The following PCDH9 variants were observed in gnomAD, a reference collection of about 807,000 sequenced individuals.
PCDH9 encodes the protein protocadherin-9.
A neutral mutation model predicts 70.6 loss-of-function variants in PCDH9; 24 were observed. The ratio of observed to expected loss-of-function variants is 0.34; its 90% confidence interval spans 0.25 to 0.48. The LOEUF (loss-of-function observed/expected upper bound fraction) is 0.48, where lower values mean the gene tolerates loss of function less well. Ranked by LOEUF, PCDH9 falls within the 20% of genes least tolerant of loss-of-function variation. PCDH9 has a pLI of 0.99. For missense variants in PCDH9, 1,281 were observed against 1,503.6 expected, an observed-to-expected ratio of 0.85 and a Z score of 2.45; for synonymous variants, 562 against 558.5, an observed-to-expected ratio of 1.01 and a Z score of -0.09.
chr13:66,917,692 TA>T (rs938221277), intron 2 of PCDH9, among the ~76,000 whole-genome samples: 18 of 151,570 alleles, frequency 1.2e-4, no homozygotes, highest in African/African-American at 4.1e-4. Context: ...TTAAATCTAC[TA>T]AAAGATAAAG....
intron 3 of PCDH9, among the ~76,000 whole-genome samples, chr13:66,787,523 G>C: frequency 6.6e-6 from 1 of 151,978 alleles, no homozygotes; most frequent in African/African-American, 2.4e-5. Flanking sequence ...GGTTGAGGCA[G>C]GAGAATTGCT....
intron 3 of PCDH9, among the ~76,000 whole-genome samples, chr13:66,723,320 T>C (rs554280473): frequency 1.4e-4 from 21 of 151,850 alleles, no homozygotes; most frequent in Non-Finnish European, 2.9e-4. Context: ...TTTCCATATA[T>C]AACATCTTAT....
intron 3 of PCDH9, among the ~76,000 whole-genome samples, chr13:66,805,696 A>G (rs1422592901): frequency 1.3e-5 from 2 of 152,304 alleles, no homozygotes; most frequent in African/African-American, 4.8e-5. Flanking sequence ...TATAGAACAT[A>G]GAAATATTCC....
intron 2 of PCDH9, among the ~76,000 whole-genome samples, chr13:66,990,123 T>C (rs1031452341): frequency 6.6e-6 from 1 of 151,904 alleles, no homozygotes; most frequent in Non-Finnish European, 1.5e-5. Flanking sequence ...TTTAAAGCCT[T>C]AGCAAATTTT....
At chr13:66,653,612 C>CA (rs750182440) in intron 3 of PCDH9, among the ~76,000 whole-genome samples, 7 of 151,974 alleles carry the variant, frequency 4.6e-5, no homozygotes, top group Admixed American at 1.3e-4. Flanking sequence ...GGAGGTCCCT[C>CA]AAAAAAGTAA....
intron 2 of PCDH9, among the ~76,000 whole-genome samples, chr13:67,108,588 C>T (rs961459095): frequency 6.6e-6 from 1 of 152,154 alleles, no homozygotes; most frequent in Non-Finnish European, 1.5e-5. Flanking sequence ...ATTAGTATTG[C>T]ATGGCATATA....
At position 66,425,124 on chromosome 13, in the gene PCDH9, T is replaced by A. The variant is rs147882887; in HGVS notation, c.3341-120096A>T. Among the ~76,000 whole-genome samples, 99 of 152,010 alleles carry A rather than the reference T, an allele frequency of 6.5e-4. 1 individual carries two copies. Among genetic ancestry groups the A allele is most frequent in the African/African-American group, 1.8e-3 (76 of 41,534 alleles). ...ATGTTCATCATTTTATGACACTTTC[T>A]GTTGCACACAAAAGAATGAAGAGTA... On this transcript the variant is annotated intron_variant, in intron 4 of 4. Coordinates refer to ENST00000377865, the MANE Select transcript of PCDH9 (RefSeq NM_203487.3).
At chr13:66,399,627 C>A (rs1022190860) in intron 4 of PCDH9, among the ~76,000 whole-genome samples, 26 of 151,264 alleles carry the variant, frequency 1.7e-4, no homozygotes, top group Non-Finnish European at 3.7e-4. Context: ...TTAATAAGAT[C>A]ATTTAAATTT....
chr13:67,140,256 T>C (rs1390338246), intron 2 of PCDH9, among the ~76,000 whole-genome samples: 1 of 152,176 alleles, frequency 6.6e-6, no homozygotes, highest in Non-Finnish European at 1.5e-5. Context: ...TTAATTATGA[T>C]GGCTACAGGT....
chr13:66,461,120 T>G (rs941024977), intron 4 of PCDH9, among the ~76,000 whole-genome samples: 1 of 151,920 alleles, frequency 6.6e-6, no homozygotes, highest in East Asian at 1.9e-4. Flanking sequence ...AATGCTAAAA[T>G]AAATTAATCG....
chr13:66,380,752 C>A (rs1034319069), intron 4 of PCDH9, among the ~76,000 whole-genome samples: 1 of 151,982 alleles, frequency 6.6e-6, no homozygotes, highest in Non-Finnish European at 1.5e-5. Flanking sequence ...ACCGTGTTAG[C>A]CAGGATGGTC....
intron 2 of PCDH9, among the ~76,000 whole-genome samples, chr13:66,927,304 C>T (rs1210774521): frequency 6.6e-6 from 1 of 151,982 alleles, no homozygotes; most frequent in African/African-American, 2.4e-5. Context: ...GAAGAGAAAA[C>T]TAAACACTGC....
At position 67,113,611 on chromosome 13, in the gene PCDH9, C is replaced by G. The variant is rs573878911; in HGVS notation, c.3036+111794G>C. ...CGCCCAGGCTGGAGTGCGGTGGCGCCATCTCGGCTCACTGCAAGCTCCGCC... is the reference window on the plus strand; with the variant it reads ...CGCCCAGGCTGGAGTGCGGTGGCGCGATCTCGGCTCACTGCAAGCTCCGCC... On this transcript the variant is annotated intron_variant, in intron 2 of 4. Transcript: ENST00000377865. 3.2e-3 allele frequency among the ~76,000 whole-genome samples: 488 copies of G among 151,958 alleles called. 1 individual carries two copies. Among genetic ancestry groups the G allele is most frequent in the African/African-American group, 0.012 (477 of 41,448 alleles).
chr13:66,935,113 G>A (rs921700232), intron 2 of PCDH9, among the ~76,000 whole-genome samples: 2 of 151,850 alleles, frequency 1.3e-5, no homozygotes, highest in Admixed American at 1.3e-4. Context: ...CCAGGCTAAA[G>A]TGCAGTGGCG....
At chr13:66,991,921 TAGATAA>T (rs1008223103) in intron 2 of PCDH9, among the ~76,000 whole-genome samples, 1 of 152,152 alleles carries the variant, frequency 6.6e-6, no homozygotes, top group African/African-American at 2.4e-5. Flanking sequence ...TTTAGGAAGG[TAGATAA>T]AGATAGATTA....
chr13:67,111,370 A>G (rs1022973174), intron 2 of PCDH9, among the ~76,000 whole-genome samples: 1 of 151,874 alleles, frequency 6.6e-6, no homozygotes, highest in Non-Finnish European at 1.5e-5. Context: ...GCTATGTACA[A>G]TTTTACACAA....
chr13:66,910,834 T>C (rs1594247012), intron 2 of PCDH9, among the ~76,000 whole-genome samples: 1 of 152,264 alleles, frequency 6.6e-6, no homozygotes, highest in Middle Eastern at 3.4e-3. Context: ...TCTTTTGCCA[T>C]AAATATCTTG....
chr13:66,871,676 C>T (rs578177647), intron 3 of PCDH9, among the ~76,000 whole-genome samples: 5 of 152,134 alleles, frequency 3.3e-5, no homozygotes, highest in African/African-American at 2.4e-5. Flanking sequence ...GGTCTTCTAC[C>T]GTACATGTAT....
rs1566400077 is a variant in PCDH9, at chr13:67,064,889, GA to G, written c.3036+160515del. 2.2e-5 allele frequency among the ~76,000 whole-genome samples: 3 copies of G among 136,232 alleles called. No individual in the cohort carries two copies. In the South Asian group the frequency reaches 7.5e-4, roughly 34 times the overall value. The allele number at this position is 136,232 out of a possible 152,430, so 89.4% of individuals were successfully genotyped here. A position where few individuals can be genotyped will look rare whatever the true frequency, so the allele number is the denominator to read the frequency against. The stretch of plus-strand genomic sequence containing the variant: ...GTATGTGTGTGTATCTGCCTGTGTG[GA>G]AATAGATAGATAGATAGATAGATAG... On this transcript the variant is annotated intron_variant, in intron 2 of 4. Transcript: ENST00000377865.
Sources: gnomAD v4.1 joint callset for allele counts (sites outside exome capture counted in the v4.1 genomes callset) on GRCh38, gnomAD v4.1.1 for gene constraint, MANE v1.5 for transcripts, NCBI Gene and HGNC (gene_info 2026-07-23, HGNC 2026-07-21) for gene names.